The following SPAG7 variants were observed in gnomAD, a reference collection of about 807,000 sequenced individuals.
SPAG7 encodes sperm-associated antigen 7.
SPAG7 carries 20 observed loss-of-function variants against 30.6 expected under a neutral mutation model. That is an observed-to-expected ratio of 0.65 (90% CI 0.46 to 0.95). The LOEUF (loss-of-function observed/expected upper bound fraction) is 0.95. Ranked by LOEUF, SPAG7 falls within the 40% of genes least tolerant of loss-of-function variation. The pLI is 0.00. For synonymous variants in SPAG7, 127 were observed against 104.2 expected, an observed-to-expected ratio of 1.22 and a Z score of -1.33; for missense variants, 276 against 291.1, an observed-to-expected ratio of 0.95 and a Z score of 0.38.
intron 1 of SPAG7, among the ~76,000 whole-genome samples, chr17:4,963,301 T>C (rs752370586): frequency 6.6e-6 from 1 of 151,804 alleles, no homozygotes; most frequent in Non-Finnish European, 1.5e-5. Context: ...GGTAGGAAGA[T>C]CACTTGAGCC....
intron 6 of SPAG7, 28 bp from the exon 7 acceptor site, chr17:4,959,671 G>T: frequency 3.7e-6 from 6 of 1,613,032 alleles, no homozygotes; most frequent in East Asian, 2.2e-5. Context: ...GGTAGGGCGG[G>T]CCTAGAAATC....
intron 1 of SPAG7, among the ~76,000 whole-genome samples, chr17:4,964,565 T>C (rs1307734900): frequency 1.3e-5 from 2 of 151,694 alleles, no homozygotes; most frequent in Non-Finnish European, 2.9e-5. Flanking sequence ...GTTTCACCGT[T>C]TTAGCCAGGA....
In SPAG7 at chr17:4,960,827, G is replaced by C. The variant is rs755399549; in HGVS notation, c.112C>G (p.Gln38Glu). Residue 38 changes from glutamine to glutamate, a missense_variant, in exon 2 of 7, where the codon CAA becomes GAA. Transcript: ENST00000206020. ...REQAARLKKL[Q>E]EQEKQQKVEF... ...ACTTTCTGTTGTTTCTCTTGCTCTT[G>C]TAGTTTCTTCAGGCGGGCGGCCTGT... 9 of 1,614,122 alleles carry C rather than the reference G, an allele frequency of 5.6e-6. No homozygotes were observed. The East Asian group carries it at 2.0e-4, about 36-fold the overall frequency.
intron 1 of SPAG7, chr17:4,965,840 TTATTTATTTATC>T (rs887312235): frequency 5.5e-5 from 8 of 144,166 alleles, no homozygotes; most frequent in African/African-American, 1.7e-4. Context: ...ATTTATTTAT[TTATTTATTTATC>T]TATTTATTTA....
At position 4,959,772 on chromosome 17, in the gene SPAG7, T is replaced by C. The variant is rs765922713; in HGVS notation, c.562A>G (p.Thr188Ala). 1.2e-6 allele frequency: 2 copies of C among 1,614,064 alleles called. No homozygotes were observed. The highest frequency in any genetic ancestry group is 1.7e-6 in the Non-Finnish European group (2 of 1,179,992). The change falls in exon 6 of 7, where the codon ACC (threonine) becomes GCC (alanine). Residue 188 changes from threonine (T) to alanine (A), a missense_variant. By Grantham distance (58) the Thr-to-Ala change is moderately conservative. Transcript: ENST00000206020. ...ACTGTGGCCTCACCACAGCCGTAGGTCTTATTGGCCTGTAGCATGTGGGCT... is the reference window on the plus strand; with the variant it reads ...ACTGTGGCCTCACCACAGCCGTAGGCCTTATTGGCCTGTAGCATGTGGGCT... ...DAAHMLQANK[T>A]YGCVPVANKR...
At chr17:4,966,942 C>T in intron 1 of SPAG7, 2 of 985,500 alleles carry the variant, frequency 2.0e-6, no homozygotes, top group Non-Finnish European at 2.4e-6. Flanking sequence ...TCCTGCGTTC[C>T]GCCAGTATCA....
chr17:4,961,789 TTAAGAA>T (rs1971868907), intron 1 of SPAG7, among the ~76,000 whole-genome samples: 1 of 145,202 alleles, frequency 6.9e-6, no homozygotes, highest in East Asian at 2.0e-4. Context: ...AAAAAAGAGA[TTAAGAA>T]TAACAATAAT....
At chr17:4,967,484 C>T (rs1971981765) in intron 1 of SPAG7, among the ~76,000 whole-genome samples, 1 of 152,178 alleles carries the variant, frequency 6.6e-6, no homozygotes, top group African/African-American at 2.4e-5. Flanking sequence ...GAAACAAGGA[C>T]TGCGGAAGGC....
chr17:4,962,625 C>T (rs916752410), intron 1 of SPAG7, among the ~76,000 whole-genome samples: 3 of 151,926 alleles, frequency 2.0e-5, no homozygotes, highest in African/African-American at 7.3e-5. Flanking sequence ...CACTATGTTG[C>T]CCAGGATGGT....
At chr17:4,960,600 C>T (rs1971846453) in intron 2 of SPAG7, 53 bp from the exon 3 acceptor site, 1 of 1,488,650 alleles carries the variant, frequency 6.7e-7, no homozygotes, top group Non-Finnish European at 9.3e-7. Flanking sequence ...ACCCAAGTAC[C>T]CCTCTCCCTA....
At chr17:4,961,748 C>T (rs1023915285) in intron 1 of SPAG7, among the ~76,000 whole-genome samples, 2 of 113,718 alleles carry the variant, frequency 1.8e-5, no homozygotes, top group Non-Finnish European at 3.4e-5. Flanking sequence ...CTGGGCGACA[C>T]AGCAAGACTC....
intron 1 of SPAG7, among the ~76,000 whole-genome samples, chr17:4,961,722 G>A (rs1386820688): frequency 1.4e-5 from 2 of 140,802 alleles, no homozygotes; most frequent in East Asian, 4.1e-4. Flanking sequence ...CAGAGATGGC[G>A]CCACTGCACT....
chr17:4,959,376 A>G lies in SPAG7; in HGVS notation c.*158T>C. The G allele has an allele frequency of 3.2e-6, 2 of 631,160 alleles. No homozygotes were observed. Among genetic ancestry groups the G allele is most frequent in the Non-Finnish European group, 5.6e-6 (2 of 355,614 alleles). 39.1% of individuals were successfully genotyped at this position (631,160 alleles called of 1,614,324 possible). On this transcript the variant is annotated 3_prime_UTR_variant, in exon 7 of 7. Transcript: ENST00000206020. ...ATGCCACGCACATATCCAAGCTCCA[A>G]CGGTGACAAATCAAACACCTGTTTT...
chr17:4,960,607 C>G (rs1436840542), intron 2 of SPAG7, 60 bp from the exon 3 acceptor site: 29 of 1,458,026 alleles, frequency 2.0e-5, no homozygotes, highest in Non-Finnish European at 2.7e-5. Context: ...TACCCCTCTC[C>G]CTAGCTGAGC....
intron 1 of SPAG7, chr17:4,967,011 C>G: frequency 1.0e-6 from 1 of 985,744 alleles, no homozygotes; most frequent in Non-Finnish European, 1.2e-6. Context: ...AGGGCCGCGC[C>G]CTACGCCGGC....
At position 4,959,565 on chromosome 17, in the gene SPAG7, T is replaced by TGCC. The variant is rs1394645891; in HGVS notation, c.650_652dup (p.Arg217dup). On this transcript the variant is annotated inframe_insertion, in exon 7 of 7. Coordinates refer to ENST00000206020, the MANE Select transcript of SPAG7 (RefSeq NM_004890.3). ...GGTTGGCGGCAACTCTTCCCCACTC[T>TGCC]GCCGCAGACGCTTCTTGGCTCTGAT... 6.2e-7 allele frequency: 1 copy of TGCC among 1,613,936 alleles called. No individual in the cohort carries two copies. Among genetic ancestry groups the TGCC allele is most frequent in the South Asian group, 1.1e-5 (1 of 91,080 alleles).
At chr17:4,965,483 G>T (rs1194597972) in intron 1 of SPAG7, among the ~76,000 whole-genome samples, 3 of 152,040 alleles carry the variant, frequency 2.0e-5, no homozygotes, top group African/African-American at 7.2e-5. Context: ...GAGACACCCA[G>T]CAGCATAGAC....
intron 1 of SPAG7, among the ~76,000 whole-genome samples, chr17:4,962,471 A>AG (rs1261687175): frequency 5.3e-5 from 8 of 152,064 alleles, no homozygotes; most frequent in Non-Finnish European, 1.0e-4. Context: ...GCAGTGGCAC[A>AG]ATCACAGCTC....
rs1971971217 is a variant in SPAG7, at chr17:4,967,162, A to G, written c.85+558T>C. On this transcript the variant is annotated intron_variant, in intron 1 of 6. Transcript: ENST00000206020. ...GCAGCTCGGGAATTTAAGGCTACGG[A>G]TGGGAAAAAGGTTGTCGGAGGGAGG... is the stretch of plus-strand genomic sequence containing the variant. 4 of 986,274 alleles carry G rather than the reference A, an allele frequency of 4.1e-6. No individual in the cohort carries two copies. In the African/African-American group the frequency reaches 7.0e-5, roughly 17 times the overall value. The allele number at this position is 986,274 out of a possible 1,614,324, so 61.1% of individuals were successfully genotyped here.
Sources: gnomAD v4.1 joint callset for allele counts (sites outside exome capture counted in the v4.1 genomes callset) on GRCh38, gnomAD v4.1.1 for gene constraint, MANE v1.5 for transcripts, NCBI Gene and HGNC (gene_info 2026-07-23, HGNC 2026-07-21) for gene names.